The following C15orf39 variants were observed in gnomAD, a reference collection of about 807,000 sequenced individuals.
C15orf39 encodes the protein PRMT2 interacting protein.
In C15orf39, 24 loss-of-function variants were observed where a neutral mutation model predicts 53.9. The observed-to-expected ratio is 0.45, with a 90% CI of 0.32 to 0.63. The LOEUF is 0.63. Ranked by LOEUF, C15orf39 falls within the 20% of genes least tolerant of loss-of-function variation. The pLI is 0.04. For synonymous variants in C15orf39, 569 were observed against 576.5 expected, an observed-to-expected ratio of 0.99 and a Z score of 0.19; for missense variants, 1,271 against 1,347.9, an observed-to-expected ratio of 0.94 and a Z score of 0.89.
Position 75,207,910 on chromosome 15 carries a change from T to C in C15orf39, c.1862T>C (p.Ile621Thr), listed in dbSNP as rs1285459873. 2 of 1,613,582 alleles carry C rather than the reference T, an allele frequency of 1.2e-6. No individual in the cohort carries two copies. The highest frequency in any genetic ancestry group is 2.7e-5 in the African/African-American group (2 of 74,922). The change falls in exon 2 of 3, where the codon ATA (isoleucine) becomes ACA (threonine). Residue 621 changes from isoleucine (I) to threonine (T), a missense_variant. Physicochemically the swap from Ile to Thr is moderately conservative, Grantham distance 89. Transcript: ENST00000394987. ...TCAGATCTGCCAGGCCTGAAAAAGA[T>C]AGACACAGAAGCACCAGGCTTGCCT... ...MVSDLPGLKK[I>T]DTEAPGLPGV...
At chr15:75,202,774 A>G (rs867710818) in intron 1 of C15orf39, among the ~76,000 whole-genome samples, 39 of 152,152 alleles carry the variant, frequency 2.6e-4, no homozygotes, top group African/African-American at 8.0e-4. Flanking sequence ...CCATGCACGT[A>G]CGTGCAGGCA....
chr15:75,209,160 G>A (rs368191134), intron 2 of C15orf39: 9 of 295,810 alleles, frequency 3.0e-5, no homozygotes, highest in African/African-American at 2.0e-4. Flanking sequence ...CTCTGGTTAG[G>A]CCCTGTTTTC....
chr15:75,211,262 G>C lies in C15orf39; in HGVS notation c.*146G>C. ...TCTCTGACCCTGTGGCCCATTCAGG[G>C]TGGGCTGAAGAGCCCCTGAGCTTTT... On this transcript the variant is annotated 3_prime_UTR_variant, in exon 3 of 3. Coordinates refer to ENST00000394987, the MANE Select transcript of C15orf39 (RefSeq NM_015492.5). 8.9e-7 allele frequency: 1 copy of C among 1,125,354 alleles called. No individual in the cohort carries two copies. Among genetic ancestry groups the C allele is most frequent in the Non-Finnish European group, 1.2e-6 (1 of 815,678 alleles). 69.7% of individuals were successfully genotyped at this position (1,125,354 alleles called of 1,614,324 possible).
chr15:75,207,816 G>C lies in C15orf39; in HGVS notation c.1768G>C (p.Ala590Pro). 6.2e-7 allele frequency: 1 copy of C among 1,612,322 alleles called. No homozygotes were observed. Among genetic ancestry groups the C allele is most frequent in the East Asian group, 2.2e-5 (1 of 44,862 alleles). ...KPTAEASPVK[A>P]SRSVEHAKPT... is the part of the protein sequence containing the mutation. ...CACAGCAGAGGCCTCCCCTGTCAAG[G>C]CTTCCCGTTCTGTGGAGCATGCCAA... The change falls in exon 2 of 3, where the codon GCT becomes CCT. Residue 590 changes from alanine (A) to proline (P), a missense_variant. Transcript: ENST00000394987.
rs1041077675 is a variant in C15orf39, at chr15:75,207,642, G to A, written c.1594G>A (p.Ala532Thr). 3.7e-6 allele frequency: 6 copies of A among 1,611,972 alleles called. No homozygotes were observed. Among genetic ancestry groups the A allele is most frequent in the Non-Finnish European group, 5.1e-6 (6 of 1,179,522 alleles). ...CACAACTGAGCCTGACTCTGCCACA[G>A]CTGAGCCTGACTCAGCCCCAGCCAC... is the stretch of plus-strand genomic sequence containing the variant. The part of the protein sequence containing the change: ...EATTEPDSAT[A>T]EPDSAPATSE... Residue 532 changes from alanine (A) to threonine (T), a missense_variant, in exon 2 of 3, where the codon GCT becomes ACT. Transcript: ENST00000394987.
Position 75,207,442 on chromosome 15 carries a change from G to A in C15orf39, c.1394G>A (p.Arg465Gln), listed in dbSNP as rs542476383. Residue 465 changes from arginine (R) to glutamine (Q), a missense_variant, in exon 2 of 3, where the codon CGA becomes CAA. Physicochemically the swap from Arg to Gln is conservative, Grantham distance 43 (BLOSUM62 1). This residue lies in a region of C15orf39 where 994 missense variants were observed against 993.7 expected (regional missense o/e 1.00). Coordinates refer to ENST00000394987, the MANE Select transcript of C15orf39 (RefSeq NM_015492.5). ...SEHSGPPIVIRDSPVPCTPPA... is the reference protein window; with the variant it reads ...SEHSGPPIVIQDSPVPCTPPA... ...CACTCTGGGCCGCCCATCGTCATCCGAGACAGTCCAGTTCCCTGTACCCCC... is the reference window on the plus strand; with the variant it reads ...CACTCTGGGCCGCCCATCGTCATCCAAGACAGTCCAGTTCCCTGTACCCCC... 8.4e-5 allele frequency: 135 copies of A among 1,613,596 alleles called. 2 individuals carry two copies. In the South Asian group the frequency reaches 1.0e-3, roughly 12 times the overall value.
Position 75,208,036 on chromosome 15 carries a change from C to T in C15orf39, c.1988C>T (p.Pro663Leu). ...KFKILRPAPLPAAVVPSTPTS... is the reference protein window; with the variant it reads ...KFKILRPAPLLAAVVPSTPTS... ...AAGATCCTCCGTCCGGCACCTTTGC[C>T]TGCAGCCGTGGTCCCGTCCACGCCC... Residue 663 changes from proline to leucine, a missense_variant, in exon 2 of 3, where the codon CCT becomes CTT. Physicochemically the swap from Pro to Leu is moderately conservative, Grantham distance 98. This residue lies in a region of C15orf39 where 994 missense variants were observed against 993.7 expected (regional missense o/e 1.00). Transcript: ENST00000394987. 1 of 1,614,090 alleles carries T rather than the reference C, an allele frequency of 6.2e-7. No homozygotes were observed. The highest frequency in any genetic ancestry group is 8.5e-7 in the Non-Finnish European group (1 of 1,180,028).
chr15:75,206,067 C>G lies in C15orf39; in HGVS notation c.19C>G (p.Leu7Val). MAEKRP[L>V]RTLGPVMYGK... Reference sequence around the variant, plus strand: ...CACAGCGATGGCAGAGAAGCGACCCCTGAGAACCCTGGGGCCTGTGATGTA... The same window carrying G: ...CACAGCGATGGCAGAGAAGCGACCCGTGAGAACCCTGGGGCCTGTGATGTA... Residue 7 changes from leucine (L) to valine (V), a missense_variant, in exon 2 of 3, where the codon CTG (leucine) becomes GTG (valine). Physicochemically the swap from Leu to Val is conservative, Grantham distance 32 (BLOSUM62 1). Around this residue, in one of 2 missense-constraint regions of C15orf39, gnomAD observed 994 missense variants for 993.7 expected, o/e 1.00. Transcript: ENST00000394987. The G allele has an allele frequency of 6.2e-7, 1 of 1,609,106 alleles. No homozygotes were observed. Among genetic ancestry groups the G allele is most frequent in the Non-Finnish European group, 8.5e-7 (1 of 1,177,572 alleles).
In C15orf39 at chr15:75,208,275, C is replaced by G; in HGVS notation, c.2227C>G (p.Pro743Ala). The G allele has an allele frequency of 6.3e-7, 1 of 1,584,070 alleles. No homozygotes were observed. The change falls in exon 2 of 3, where the codon CCA becomes GCA. Residue 743 changes from proline (P) to alanine (A), a missense_variant. Transcript: ENST00000394987. ...QAPASARDPAPAPAPVAGPAP... is the reference protein window; with the variant it reads ...QAPASARDPAAAPAPVAGPAP... ...TCCAGCTTCAGCCCGGGATCCAGCT[C>G]CAGCTCCAGCTCCAGTTGCAGGCCC...
upstream of C15orf39, among the ~76,000 whole-genome samples, chr15:75,199,503 C>T (rs181897274): frequency 2.6e-5 from 4 of 152,336 alleles, no homozygotes; most frequent in African/African-American, 7.2e-5. Context: ...TCACACGCCT[C>T]TGGGGTAAGG....
chr15:75,203,360 C>G (rs1358085892), intron 1 of C15orf39, among the ~76,000 whole-genome samples: 1 of 152,238 alleles, frequency 6.6e-6, no homozygotes, highest in African/African-American at 2.4e-5. Flanking sequence ...CAAGGATGAT[C>G]TGAGCCTGCT....
At position 75,208,580 on chromosome 15, in the gene C15orf39, G is replaced by C; in HGVS notation, c.2532G>C (p.Val844=). 6.3e-7 allele frequency: 1 copy of C among 1,576,368 alleles called. No homozygotes were observed. The highest frequency in any genetic ancestry group is 1.3e-5 in the African/African-American group (1 of 74,352). ...PHVVRAGAIF[V]PIHLVKERLF... ...TGGTGCGAGCTGGCGCCATCTTCGTGCCCATTCACCTGGTGAAGGAGCGGC... is the reference window on the plus strand; with the variant it reads ...TGGTGCGAGCTGGCGCCATCTTCGTCCCCATTCACCTGGTGAAGGAGCGGC... The change falls in exon 2 of 3, where the codon GTG becomes GTC. Residue 844 remains valine (V), a synonymous_variant. Transcript: ENST00000394987.
chr15:75,205,364 A>G (rs973799047), intron 1 of C15orf39, among the ~76,000 whole-genome samples: 4 of 152,018 alleles, frequency 2.6e-5, no homozygotes, highest in Non-Finnish European at 5.9e-5. Context: ...ATGTCAAGTG[A>G]CCCTGAGACC....
Position 75,206,591 on chromosome 15 carries a change from C to T in C15orf39, c.543C>T (p.Ser181=). ...CCTGCTCTCTGGCCCCAGCTCCTAGCAAGGGCCAGACTCTGGATGGCACCT... is the reference window on the plus strand; with the variant it reads ...CCTGCTCTCTGGCCCCAGCTCCTAGTAAGGGCCAGACTCTGGATGGCACCT... ...DPPCSLAPAP[S]KGQTLDGTFL... Residue 181 remains serine, a synonymous_variant, in exon 2 of 3, where the codon AGC becomes AGT. Coordinates refer to ENST00000394987, the MANE Select transcript of C15orf39 (RefSeq NM_015492.5). 2 of 1,613,782 alleles carry T rather than the reference C, an allele frequency of 1.2e-6. No individual in the cohort carries two copies. The highest frequency in any genetic ancestry group is 8.5e-7 in the Non-Finnish European group (1 of 1,179,868).
intron 1 of C15orf39, among the ~76,000 whole-genome samples, chr15:75,203,285 C>T (rs905598874): frequency 2.0e-5 from 3 of 152,236 alleles, no homozygotes; most frequent in Non-Finnish European, 4.4e-5. Context: ...TTCTCCGGGA[C>T]CCTGGCCTGG....
rs1264413684 is a variant in C15orf39, at chr15:75,211,263, T to C, written c.*147T>C. Reference sequence around the variant, plus strand: ...CTCTGACCCTGTGGCCCATTCAGGGTGGGCTGAAGAGCCCCTGAGCTTTTA... The same window carrying C: ...CTCTGACCCTGTGGCCCATTCAGGGCGGGCTGAAGAGCCCCTGAGCTTTTA... On this transcript the variant is annotated 3_prime_UTR_variant, in exon 3 of 3. Transcript: ENST00000394987. 1.2e-5 allele frequency: 14 copies of C among 1,126,866 alleles called. No homozygotes were observed. In the Admixed American group the frequency reaches 1.9e-4, roughly 15 times the overall value. 69.8% of individuals were successfully genotyped at this position (1,126,866 alleles called of 1,614,324 possible). A position where few individuals can be genotyped will look rare whatever the true frequency, so the allele number is the denominator to read the frequency against.
rs1462532984 is a variant in C15orf39 at position 75,206,215 on chromosome 15, C to A, written c.167C>A (p.Pro56His). 1 of 1,614,102 alleles carries A rather than the reference C, an allele frequency of 6.2e-7. No individual in the cohort carries two copies. Among genetic ancestry groups the A allele is most frequent in the South Asian group, 1.1e-5 (1 of 91,084 alleles). The part of the protein sequence containing the change: ...SYFSCPMAGT[P>H]KAESEQLASW... Reference sequence around the variant, plus strand: ...TTCTCCTGCCCCATGGCAGGTACTCCTAAGGCCGAGTCTGAGCAGTTGGCG... The same window carrying A: ...TTCTCCTGCCCCATGGCAGGTACTCATAAGGCCGAGTCTGAGCAGTTGGCG... Residue 56 changes from proline to histidine, a missense_variant, in exon 2 of 3, where the codon CCT (proline) becomes CAT (histidine). Pro to His is a moderately conservative substitution (Grantham distance 77). This residue lies in a region of C15orf39 where 994 missense variants were observed against 993.7 expected (regional missense o/e 1.00). Coordinates refer to ENST00000394987, the MANE Select transcript of C15orf39 (RefSeq NM_015492.5).
Position 75,208,043 on chromosome 15 carries a change from C to T in C15orf39, c.1995C>T (p.Ala665=), listed in dbSNP as rs893611572. 5 of 1,613,952 alleles carry T rather than the reference C, an allele frequency of 3.1e-6. No individual in the cohort carries two copies. The highest frequency in any genetic ancestry group is 1.3e-5 in the African/African-American group (1 of 74,918). The stretch of plus-strand genomic sequence containing the variant: ...TCCGTCCGGCACCTTTGCCTGCAGC[C>T]GTGGTCCCGTCCACGCCCACCTCAG... The part of the protein sequence containing the change: ...KILRPAPLPA[A]VVPSTPTSAP... The change falls in exon 2 of 3, where the codon GCC becomes GCT. Residue 665 remains alanine, a synonymous_variant. Coordinates refer to ENST00000394987, the MANE Select transcript of C15orf39 (RefSeq NM_015492.5).
At chr15:75,199,002 C>T (rs1167185501), upstream of C15orf39, 1 of 152,218 alleles carries the variant, frequency 6.6e-6, no homozygotes, top group Non-Finnish European at 1.5e-5. Context: ...CACCAGTTGG[C>T]CTTAGGTTCC....
Sources: allele counts gnomAD v4.1 joint callset (sites outside exome capture counted in the v4.1 genomes callset), GRCh38; gene constraint gnomAD v4.1.1; regional missense constraint gnomAD v4.1.1; transcripts MANE v1.5; gene names NCBI Gene and HGNC (gene_info 2026-07-23, HGNC 2026-07-21).